The following CA10 variants were observed in gnomAD, a reference collection of about 807,000 sequenced individuals.
CA10 encodes the protein carbonic anhydrase-related protein 10.
CA10 carries 14 observed loss-of-function variants against 44.2 expected under a neutral mutation model. The observed-to-expected ratio is 0.32, with a 90% CI of 0.21 to 0.50. CA10 has a LOEUF of 0.50. Among genes scored for constraint, CA10 ranks in the 20% least tolerant of loss-of-function variants. The probability of loss-of-function intolerance (pLI) is 0.99; values close to 1 mark genes in which losing one functional copy is unlikely to be tolerated. For synonymous variants in CA10, 159 were observed against 141.6 expected, an observed-to-expected ratio of 1.12 and a Z score of -0.87; for missense variants, 350 against 409.7, an observed-to-expected ratio of 0.85 and a Z score of 1.26.
chr17:51,751,529 C>T (rs1006513779), intron 3 of CA10, among the ~76,000 whole-genome samples: 4 of 152,308 alleles, frequency 2.6e-5, no homozygotes, highest in East Asian at 1.9e-4. Context: ...CATTCTCTTC[C>T]TTCCCTTACT....
At position 52,072,350 on chromosome 17, in the gene CA10, G is replaced by C; in HGVS notation, c.105C>G (p.Tyr35Ter). 1 of 1,613,280 alleles carries C rather than the reference G, an allele frequency of 6.2e-7. No homozygotes were observed. Among genetic ancestry groups the C allele is most frequent in the African/African-American group, 1.3e-5 (1 of 74,980 alleles). The change falls in exon 2 of 9, where the codon TAC becomes TAG. Residue 35 changes from tyrosine to a stop codon, truncating the protein, a stop_gained. Transcript: ENST00000451037. LOFTEE classifies it high-confidence loss of function. ...CAAAGCTTCCCTGGACCACCTCCTTGTATGCCCACCAGCCTTCATGGATTT... is the reference window on the plus strand; with the variant it reads ...CAAAGCTTCCCTGGACCACCTCCTTCTATGCCCACCAGCCTTCATGGATTT... ...SPKIHEGWWA[Y>*]KEVVQGSFVP...
chr17:51,784,741 T>C (rs1239313853), intron 3 of CA10, among the ~76,000 whole-genome samples: 1 of 152,128 alleles, frequency 6.6e-6, no homozygotes, highest in Non-Finnish European at 1.5e-5. Context: ...GAGAACGGAG[T>C]ATCCATCCCC....
At chr17:51,806,669 A>T (rs950054970) in intron 3 of CA10, among the ~76,000 whole-genome samples, 4 of 152,234 alleles carry the variant, frequency 2.6e-5, no homozygotes. Flanking sequence ...ACCATGCTTT[A>T]TGTTTTGAAT....
chr17:52,007,173 T>C (rs1985629196), intron 2 of CA10, among the ~76,000 whole-genome samples: 1 of 151,730 alleles, frequency 6.6e-6, no homozygotes. Context: ...TTCAAATATC[T>C]ATATAATCAT....
chr17:52,023,735 C>T (rs1343605510), intron 2 of CA10, among the ~76,000 whole-genome samples: 1 of 150,962 alleles, frequency 6.6e-6, no homozygotes, highest in African/African-American at 2.4e-5. Flanking sequence ...GCAACAAAGG[C>T]CTACTATCCA....
At chr17:52,141,856 A>G (rs1210605026) in intron 1 of CA10, among the ~76,000 whole-genome samples, 3 of 152,310 alleles carry the variant, frequency 2.0e-5, no homozygotes, top group African/African-American at 4.8e-5. Context: ...CCAACCAATG[A>G]GCATGTTGCA....
intron 1 of CA10, among the ~76,000 whole-genome samples, chr17:52,110,625 C>T (rs376953311): frequency 2.0e-5 from 3 of 152,252 alleles, no homozygotes; most frequent in South Asian, 2.1e-4. Context: ...AAGACAGAGT[C>T]GGGGGAGGAG....
intron 2 of CA10, among the ~76,000 whole-genome samples, chr17:52,019,869 T>G (rs563760694): frequency 6.6e-6 from 1 of 152,124 alleles, no homozygotes; most frequent in Non-Finnish European, 1.5e-5. Context: ...ACATTCCTGT[T>G]ATTTACTTAC....
Position 51,878,164 on chromosome 17 carries a change from A to G in CA10, c.279+52826T>C, listed in dbSNP as rs554772862. Reference sequence around the variant, plus strand: ...GTCTCAAAAAAAAAAAAAAAAAAAAAAAAGAAAAAGGAAAAAAGAAAAAAA... The same window carrying G: ...GTCTCAAAAAAAAAAAAAAAAAAAAGAAAGAAAAAGGAAAAAAGAAAAAAA... On this transcript the variant is annotated intron_variant, in intron 3 of 8. Transcript: ENST00000451037. Among the ~76,000 whole-genome samples, 23 of 145,546 alleles carry G rather than the reference A, an allele frequency of 1.6e-4. No individual in the cohort carries two copies. The South Asian group carries it at 4.4e-3, about 28-fold the overall frequency.
chr17:51,755,698 A>C (rs897458783), intron 3 of CA10, among the ~76,000 whole-genome samples: 3 of 152,216 alleles, frequency 2.0e-5, no homozygotes, highest in Non-Finnish European at 2.9e-5. Context: ...AGGGTGGAGG[A>C]CACCTACTAA....
chr17:51,741,759 T>C (rs1392043651), intron 4 of CA10, among the ~76,000 whole-genome samples: 1 of 152,186 alleles, frequency 6.6e-6, no homozygotes, highest in Non-Finnish European at 1.5e-5. Flanking sequence ...ATTCAGTAAA[T>C]ATTTATTGAC....
intron 3 of CA10, among the ~76,000 whole-genome samples, chr17:51,778,824 A>G (rs1905930410): frequency 6.6e-6 from 1 of 152,196 alleles, no homozygotes; most frequent in South Asian, 2.1e-4. Context: ...CAGGCTGCTC[A>G]GGGAGGAGAG....
intron 2 of CA10, among the ~76,000 whole-genome samples, chr17:51,937,762 G>A (rs1982923569): frequency 6.6e-6 from 1 of 152,158 alleles, no homozygotes; most frequent in African/African-American, 2.4e-5. Context: ...GTTATAATAA[G>A]GGTATGTGTA....
At chr17:52,155,966 C>A (rs1275821371) in intron 1 of CA10, among the ~76,000 whole-genome samples, 1 of 152,124 alleles carries the variant, frequency 6.6e-6, no homozygotes, top group Non-Finnish European at 1.5e-5. Flanking sequence ...AGGCTAAGAT[C>A]AGACCCTTTC....
intron 6 of CA10, among the ~76,000 whole-genome samples, chr17:51,644,175 T>C (rs72830540): frequency 0.018 from 284 of 15,368 alleles, 1 homozygote; most frequent in East Asian, 0.06. Context: ...GTTCCCCCCC[T>C]TTTTTTTTTT....
intron 3 of CA10, among the ~76,000 whole-genome samples, chr17:51,928,334 T>C (rs1280721156): frequency 6.6e-6 from 1 of 152,150 alleles, no homozygotes; most frequent in Non-Finnish European, 1.5e-5. Flanking sequence ...ATGAATATTT[T>C]CTATTACACT....
At chr17:52,068,457 C>A (rs1349468135) in intron 2 of CA10, among the ~76,000 whole-genome samples, 6 of 152,238 alleles carry the variant, frequency 3.9e-5, no homozygotes, top group African/African-American at 1.4e-4. Context: ...TGGACTAATA[C>A]AATCCCTCTT....
chr17:51,808,765 G>T (rs1324049153), intron 3 of CA10, among the ~76,000 whole-genome samples: 1 of 152,156 alleles, frequency 6.6e-6, no homozygotes, highest in Non-Finnish European at 1.5e-5. Flanking sequence ...AATTACACAT[G>T]TCTAAAAGTA....
chr17:52,143,942 T>G (rs1307181647), intron 1 of CA10, among the ~76,000 whole-genome samples: 1 of 152,230 alleles, frequency 6.6e-6, no homozygotes, highest in African/African-American at 2.4e-5. Context: ...TCCTATTTCT[T>G]GTTGGTTTCC....
Sources: allele counts gnomAD v4.1 joint callset (sites outside exome capture counted in the v4.1 genomes callset), GRCh38; gene constraint gnomAD v4.1.1; transcripts MANE v1.5; gene names NCBI Gene and HGNC (gene_info 2026-07-23, HGNC 2026-07-21).